The following DENND4C variants were observed in gnomAD, a reference collection of about 807,000 sequenced individuals.
DENND4C encodes the protein DENN domain containing 4C.
Under a neutral mutation model 203.0 loss-of-function variants are expected in DENND4C, and 108 were observed. The ratio of observed to expected loss-of-function variants is 0.53; its 90% confidence interval spans 0.46 to 0.62. DENND4C has a LOEUF of 0.62. DENND4C is among the 20% of genes least tolerant of loss of function. DENND4C has a pLI of 0.00. For missense variants in DENND4C, 2,481 were observed against 2,301.2 expected (o/e 1.08, Z -1.60); for synonymous variants, 871 against 792.4 (o/e 1.10, Z -1.67).
At chr9:19,340,745 T>C (rs112501959) in intron 20 of DENND4C, among the ~76,000 whole-genome samples, 96 of 152,358 alleles carry the variant, frequency 6.3e-4, no homozygotes, top group African/African-American at 2.2e-3. Flanking sequence ...TCTAAATCTT[T>C]TTAATTTACA....
intron 31 of DENND4C, among the ~76,000 whole-genome samples, chr9:19,370,317 G>T (rs980260840): frequency 1.3e-5 from 2 of 152,050 alleles, no homozygotes; most frequent in Admixed American, 1.3e-4. Flanking sequence ...ATTTGTCAGG[G>T]GTGGTATGTG....
chr9:19,354,674 C>T (rs1824971988), intron 26 of DENND4C, among the ~76,000 whole-genome samples: 1 of 151,182 alleles, frequency 6.6e-6, no homozygotes, highest in Non-Finnish European at 1.5e-5. Flanking sequence ...GCCTTAGCCT[C>T]CCGAGTAGCT....
intron 16 of DENND4C, among the ~76,000 whole-genome samples, chr9:19,328,771 G>A (rs1345452403): frequency 7.9e-5 from 12 of 151,802 alleles, no homozygotes; most frequent in Non-Finnish European, 4.4e-5. Flanking sequence ...GGAATTGGCC[G>A]GGCGCAGTGG....
chr9:19,360,720 A>T (rs1043691862), intron 29 of DENND4C, among the ~76,000 whole-genome samples: 7 of 152,172 alleles, frequency 4.6e-5, no homozygotes, highest in Admixed American at 4.6e-4. Flanking sequence ...TTGGTCCAGG[A>T]TGGCTGATTA....
rs1025917029 is a variant in DENND4C at position 19,373,174 on chromosome 9, T to C, written c.*1001T>C. 1.3e-5 allele frequency: 2 copies of C among 152,152 alleles called. No individual in the cohort carries two copies. Among genetic ancestry groups the C allele is most frequent in the Non-Finnish European group, 2.9e-5 (2 of 68,024 alleles). 9.4% of individuals were successfully genotyped at this position (152,152 alleles called of 1,614,324 possible). On this transcript the variant is annotated 3_prime_UTR_variant, in exon 33 of 33. Coordinates refer to ENST00000434457, the MANE Select transcript of DENND4C (RefSeq NM_001330640.2). ...CTATTAATGGCAAAAACCGCAATTA[T>C]TTTTGTACCAACATAATACACCTTT... is the stretch of plus-strand genomic sequence containing the variant.
chr9:19,290,860 G>C lies in DENND4C; in HGVS notation c.785G>C (p.Gly262Ala), dbSNP rs771219989. Residue 262 changes from glycine (G) to alanine (A), a missense_variant, in exon 5 of 33, where the codon GGT becomes GCT. By Grantham distance (60) the Gly-to-Ala change is moderately conservative. Coordinates refer to ENST00000434457, the MANE Select transcript of DENND4C (RefSeq NM_001330640.2). The stretch of plus-strand genomic sequence containing the variant: ...GTTTTTTCAACTTTTGTCTTGACAG[G>C]TTCTTCAGCCAAAAAGGTATGTTTT... The part of the protein sequence containing the change: ...LPVFSTFVLT[G>A]SSAKKVYGAA... The C allele has an allele frequency of 1.7e-5, 28 of 1,613,108 alleles. No homozygotes were observed. Among genetic ancestry groups the C allele is most frequent in the Non-Finnish European group, 2.4e-5 (28 of 1,179,542 alleles).
rs1340913697 is a variant in DENND4C at position 19,342,747 on chromosome 9, T to C, written c.3119T>C (p.Ile1040Thr). Residue 1040 changes from isoleucine to threonine, a missense_variant, in exon 22 of 33, where the codon ATA becomes ACA. Physicochemically the swap from Ile to Thr is moderately conservative, Grantham distance 89. This residue lies in a region of DENND4C where 2,289 missense variants were observed against 2,113.3 expected (regional missense o/e 1.08). Transcript: ENST00000434457. ...AGTATTGTGAAAGTTCCGTCTGGTA[T>C]ATTTGATGTCAACAGCAGGAAAAGT... ...GSSIVKVPSGIFDVNSRKSST... is the reference protein window; with the variant it reads ...GSSIVKVPSGTFDVNSRKSST... 1.9e-6 allele frequency: 3 copies of C among 1,609,734 alleles called. No individual in the cohort carries two copies. The highest frequency in any genetic ancestry group is 3.4e-5 in the Admixed American group (2 of 59,332).
chr9:19,297,337 C>T (rs181808923), intron 6 of DENND4C, among the ~76,000 whole-genome samples: 1 of 152,256 alleles, frequency 6.6e-6, no homozygotes, highest in East Asian at 1.9e-4. Flanking sequence ...TGCATAAACT[C>T]ATCATAATTT....
chr9:19,319,373 T>TAC lies in DENND4C; in HGVS notation c.1807+2538_1807+2539dup, dbSNP rs1258352434. On this transcript the variant is annotated intron_variant, in intron 12 of 32. Coordinates refer to ENST00000434457, the MANE Select transcript of DENND4C (RefSeq NM_001330640.2). ...ATACTTATATATACACACATATATA[T>TAC]ACACATACATATATATATACATATA... Among the ~76,000 whole-genome samples the TAC allele has an allele frequency of 9.4e-3, 1,277 of 136,030 alleles. 27 individuals are homozygous for TAC. Among genetic ancestry groups the TAC allele is most frequent in the African/African-American group, 0.037 (1,144 of 31,282 alleles). The allele number at this position is 136,030 out of a possible 152,430, so 89.2% of individuals were successfully genotyped here. A position where few individuals can be genotyped will look rare whatever the true frequency, so the allele number is the denominator to read the frequency against.
chr9:19,258,899 C>T (rs1200003641), intron 1 of DENND4C, among the ~76,000 whole-genome samples: 1 of 152,102 alleles, frequency 6.6e-6, no homozygotes, highest in African/African-American at 2.4e-5. Flanking sequence ...AGGTGATTTG[C>T]CTGCCTCGGC....
chr9:19,298,940 G>A (rs1837995918), intron 7 of DENND4C, among the ~76,000 whole-genome samples: 1 of 152,066 alleles, frequency 6.6e-6, no homozygotes, highest in South Asian at 2.1e-4. Flanking sequence ...CTTTTCAGAA[G>A]CAGTAGTTCC....
chr9:19,267,965 C>T (rs1830848751), intron 1 of DENND4C, among the ~76,000 whole-genome samples: 1 of 152,110 alleles, frequency 6.6e-6, no homozygotes, highest in African/African-American at 2.4e-5. Flanking sequence ...CTTTCTACTA[C>T]CATTTTGTTA....
At chr9:19,288,244 T>C (rs1378721341) in intron 3 of DENND4C, among the ~76,000 whole-genome samples, 1 of 152,198 alleles carries the variant, frequency 6.6e-6, no homozygotes, top group East Asian at 1.9e-4. Context: ...CCTCTGGAGG[T>C]GATGACCTCA....
intron 1 of DENND4C, among the ~76,000 whole-genome samples, chr9:19,249,315 C>T (rs1376830607): frequency 3.3e-5 from 5 of 151,168 alleles, no homozygotes; most frequent in Admixed American, 2.0e-4. Flanking sequence ...TGCAATGGCA[C>T]GATCTTGGCT....
chr9:19,371,690 A>T (rs940669887), intron 31 of DENND4C, 66 bp from the exon 32 acceptor site: 8 of 775,240 alleles, frequency 1.0e-5, no homozygotes, highest in Non-Finnish European at 1.7e-5. Context: ...CTTCACCATT[A>T]AAAAAAATGC....
chr9:19,289,130 C>G (rs564637383), intron 4 of DENND4C, among the ~76,000 whole-genome samples: 1 of 152,158 alleles, frequency 6.6e-6, no homozygotes, highest in South Asian at 2.1e-4. Flanking sequence ...AAAGAATCAG[C>G]TATATGGAGG....
At chr9:19,283,907 T>G (rs1274829434) in intron 2 of DENND4C, among the ~76,000 whole-genome samples, 4 of 152,194 alleles carry the variant, frequency 2.6e-5, no homozygotes, top group Non-Finnish European at 4.4e-5. Context: ...ATGCATTTCT[T>G]GAGACACAGA....
intron 10 of DENND4C, among the ~76,000 whole-genome samples, chr9:19,313,514 G>T (rs1416017104): frequency 6.6e-6 from 1 of 152,122 alleles, no homozygotes. Flanking sequence ...TTTATTTGGG[G>T]GTGGGGTTAA....
intron 27 of DENND4C, 84 bp from the exon 28 acceptor site, chr9:19,357,881 T>G: frequency 9.3e-7 from 1 of 1,074,316 alleles, no homozygotes; most frequent in Non-Finnish European, 1.3e-6. Flanking sequence ...AGACTCAAGG[T>G]CCATTGTAGA....
Sources: allele counts gnomAD v4.1 joint callset (sites outside exome capture counted in the v4.1 genomes callset), GRCh38; gene constraint gnomAD v4.1.1; regional missense constraint gnomAD v4.1.1; transcripts MANE v1.5; gene names NCBI Gene and HGNC (gene_info 2026-07-23, HGNC 2026-07-21).